The following LY96 variants were observed in gnomAD, a reference collection of about 807,000 sequenced individuals.
LY96 encodes myeloid differentiation protein-2.
A neutral mutation model predicts 18.9 loss-of-function variants in LY96; 18 were observed. The observed-to-expected ratio is 0.95, with a 90% confidence interval of 0.66 to 1.41. LY96 has a LOEUF of 1.41. Ranked by LOEUF, LY96 falls within the 40% of genes most tolerant of loss-of-function variation. The probability of loss-of-function intolerance (pLI) is 0.00; values close to 1 mark genes in which losing one functional copy is unlikely to be tolerated. For missense variants in LY96, 175 were observed against 182.4 expected (o/e 0.96, Z 0.23); for synonymous variants, 66 against 62.6 (o/e 1.06, Z -0.26).
intron 3 of LY96, among the ~76,000 whole-genome samples, chr8:74,020,454 T>C (rs1277567669): frequency 2.0e-5 from 3 of 152,188 alleles, no homozygotes; most frequent in African/African-American, 2.4e-5. Flanking sequence ...TCCATGCTCA[T>C]GGATGGGAGG....
Position 74,026,414 on chromosome 8 carries a change from C to A in LY96, c.332-375C>A, listed in dbSNP as rs981453075. 5.9e-5 allele frequency among the ~76,000 whole-genome samples: 9 copies of A among 152,328 alleles called. 1 individual carries two copies. Among genetic ancestry groups the A allele is most frequent in the East Asian group, 3.9e-4 (2 of 5,186 alleles). On this transcript the variant is annotated intron_variant, in intron 3 of 4. Coordinates refer to ENST00000284818, the MANE Select transcript of LY96 (RefSeq NM_015364.5). Reference sequence around the variant, plus strand: ...CTCCAAAATATCTCATCTGTCTTTGCAAGATTGTTCTCTATTATACCCAGC... The same window carrying A: ...CTCCAAAATATCTCATCTGTCTTTGAAAGATTGTTCTCTATTATACCCAGC...
the LY96 span, among the ~76,000 whole-genome samples, chr8:74,089,949 G>GGGAGGACAGGAAAGA: frequency 6.6e-6 from 1 of 152,140 alleles, no homozygotes; most frequent in African/African-American, 2.4e-5. Flanking sequence ...GGACAGGATG[G>GGGAGGACAGGAAAGA]TTGGTGTGGA....
chr8:74,078,952 G>T, the LY96 span, among the ~76,000 whole-genome samples: 1 of 152,038 alleles, frequency 6.6e-6, no homozygotes, highest in South Asian at 2.1e-4. Flanking sequence ...ATTTGTAGTG[G>T]CTAATTTGAT....
the LY96 span, among the ~76,000 whole-genome samples, chr8:74,049,858 T>G: frequency 6.6e-6 from 1 of 152,100 alleles, no homozygotes; most frequent in Non-Finnish European, 1.5e-5. Flanking sequence ...TAAGTTTAAT[T>G]TAGACTTGGT....
the LY96 span, among the ~76,000 whole-genome samples, chr8:74,062,608 G>T: frequency 6.6e-6 from 1 of 152,144 alleles, no homozygotes; most frequent in East Asian, 1.9e-4. Flanking sequence ...GTATTCCATG[G>T]TGTATATGTA....
In LY96 at chr8:73,996,740, T is replaced by G. The variant is rs551356855; in HGVS notation, c.112+5186T>G. Among the ~76,000 whole-genome samples, 28 of 151,312 alleles carry G rather than the reference T, an allele frequency of 1.9e-4. No homozygotes were observed. In the East Asian group the frequency reaches 4.2e-3, roughly 22 times the overall value. On this transcript the variant is annotated intron_variant, in intron 1 of 4. Coordinates refer to ENST00000284818, the MANE Select transcript of LY96 (RefSeq NM_015364.5). ...GGTCCCGGCTAATTTTTGTATTTTT[T>G]GGGGGATGGGATTTATTTTTTTGAG...
chr8:74,015,131 T>A (rs1349145884), intron 3 of LY96, among the ~76,000 whole-genome samples: 1 of 151,992 alleles, frequency 6.6e-6, no homozygotes. Context: ...CACTGGAGCT[T>A]GGGCAGTGGA....
chr8:74,094,651 T>C, the LY96 span, among the ~76,000 whole-genome samples: 1 of 152,250 alleles, frequency 6.6e-6, no homozygotes, highest in Non-Finnish European at 1.5e-5. Context: ...ATGATAGTTC[T>C]TTCCATCAGG....
chr8:74,083,160 CA>C, the LY96 span, among the ~76,000 whole-genome samples: 1 of 152,046 alleles, frequency 6.6e-6, no homozygotes, highest in Non-Finnish European at 1.5e-5. Flanking sequence ...ATCATAAATG[CA>C]AATATGTGTA....
intron 1 of LY96, among the ~76,000 whole-genome samples, chr8:74,001,228 A>T (rs959920683): frequency 1.2e-4 from 17 of 140,458 alleles, no homozygotes; most frequent in South Asian, 2.3e-4. Flanking sequence ...AAAAAAAAAA[A>T]TTTTTTTTTT....
At chr8:74,043,083 A>T in the LY96 span, among the ~76,000 whole-genome samples, 1 of 152,066 alleles carries the variant, frequency 6.6e-6, no homozygotes, top group Non-Finnish European at 1.5e-5. Flanking sequence ...CCGGTTTGTT[A>T]CCTTTTGAAG....
At chr8:74,017,307 T>C (rs1052218931) in intron 3 of LY96, among the ~76,000 whole-genome samples, 3 of 152,118 alleles carry the variant, frequency 2.0e-5, no homozygotes, top group African/African-American at 7.2e-5. Flanking sequence ...GTATCAGTGA[T>C]TGAAGATCAA....
chr8:74,047,178 G>C, the LY96 span, among the ~76,000 whole-genome samples: 1 of 152,150 alleles, frequency 6.6e-6, no homozygotes, highest in Non-Finnish European at 1.5e-5. Flanking sequence ...GTGAGCCACA[G>C]CGCCCGGCCC....
At chr8:74,002,465 A>G (rs563236647) in intron 1 of LY96, among the ~76,000 whole-genome samples, 8 of 151,576 alleles carry the variant, frequency 5.3e-5, no homozygotes, top group Non-Finnish European at 1.0e-4. Context: ...TCTCTCTCTG[A>G]GTTCACTGAT....
the LY96 span, among the ~76,000 whole-genome samples, chr8:74,053,801 T>G: frequency 6.6e-6 from 1 of 151,964 alleles, no homozygotes; most frequent in Non-Finnish European, 1.5e-5. Context: ...TTGGGAGGAG[T>G]ATAGAATTAA....
chr8:74,087,970 A>C, the LY96 span, among the ~76,000 whole-genome samples: 7 of 151,944 alleles, frequency 4.6e-5, no homozygotes, highest in Non-Finnish European at 7.4e-5. Context: ...CCTATCCTTC[A>C]AGGACAAATT....
chr8:74,081,002 CTT>C, the LY96 span, among the ~76,000 whole-genome samples: 872 of 122,246 alleles, frequency 7.1e-3, 39 homozygotes, highest in Admixed American at 0.053. Flanking sequence ...TTCTTTCTTT[CTT>C]TCTTTCTTTC....
chr8:74,096,532 C>A, the LY96 span, among the ~76,000 whole-genome samples: 8 of 152,138 alleles, frequency 5.3e-5, no homozygotes, highest in Non-Finnish European at 8.8e-5. Context: ...CCTTGACAAC[C>A]CTAAGTACCA....
At chr8:74,011,034 ACTT>A (rs1404025495) in intron 3 of LY96, among the ~76,000 whole-genome samples, 1 of 152,120 alleles carries the variant, frequency 6.6e-6, no homozygotes, top group African/African-American at 2.4e-5. Flanking sequence ...CAGCTTGTCT[ACTT>A]CTTCTCTCCC....
Sources: gnomAD v4.1 joint callset for allele counts (sites outside exome capture counted in the v4.1 genomes callset) on GRCh38, gnomAD v4.1.1 for gene constraint, MANE v1.5 for transcripts, NCBI Gene and HGNC (gene_info 2026-07-23, HGNC 2026-07-21) for gene names.